Variants in MTMR3 observed in about 807,000 individuals in gnomAD.
MTMR3 encodes myotubularin related protein 3, also known as phosphatidylinositol-3,5-bisphosphate 3-phosphatase MTMR3.
A neutral mutation model predicts 132.4 loss-of-function variants in MTMR3; 32 were observed. The ratio of observed to expected loss-of-function variants is 0.24; its 90% CI spans 0.18 to 0.32. The LOEUF (loss-of-function observed/expected upper bound fraction) is 0.32. Among genes scored for constraint, MTMR3 ranks in the 10% least tolerant of loss-of-function variants. The pLI is 1.00. For synonymous variants in MTMR3, 556 were observed against 550.3 expected, an observed-to-expected ratio of 1.01 and a Z score of -0.14; for missense variants, 1,216 against 1,489.6, an observed-to-expected ratio of 0.82 and a Z score of 3.02.
At chr22:29,980,540 G>A (rs1352674153) in intron 5 of MTMR3, 1 of 152,236 alleles carries the variant, frequency 6.6e-6, no homozygotes, top group African/African-American at 2.4e-5. Context: ...AGCTACTGTG[G>A]AAGTAATGAT....
Position 29,978,945 on chromosome 22 carries a change from C to A in MTMR3, c.103C>A (p.Leu35Ile), listed in dbSNP as rs777619064. The change falls in exon 5 of 20, where the codon CTT becomes ATT. Residue 35 changes from leucine to isoleucine, a missense_variant. By Grantham distance (5) the Leu-to-Ile change is conservative. This residue lies in a region of MTMR3 where 81 missense variants were observed against 87.7 expected (regional missense o/e 0.92). Coordinates refer to ENST00000401950, the MANE Select transcript of MTMR3 (RefSeq NM_021090.4). ...TTCTTTCATTTCGAAGGTTCCTTTC[C>A]TTGAACTTCATGGAGAGAGCACAGA... Reference protein sequence around the residue: ...REDENLQVPFLELHGESTEFV... With the variant: ...REDENLQVPFIELHGESTEFV... 27 of 1,612,542 alleles carry A rather than the reference C, an allele frequency of 1.7e-5. No individual in the cohort carries two copies. The highest frequency in any genetic ancestry group is 2.3e-5 in the Non-Finnish European group (27 of 1,179,242).
chr22:29,976,708 A>C (rs577529478), intron 3 of MTMR3, among the ~76,000 whole-genome samples: 1 of 152,258 alleles, frequency 6.6e-6, no homozygotes, highest in Non-Finnish European at 1.5e-5. Context: ...TAATACCGTA[A>C]TATTATTGGG....
chr22:29,951,889 G>GTTTT (rs11331318), intron 1 of MTMR3, among the ~76,000 whole-genome samples: 35 of 131,380 alleles, frequency 2.7e-4, no homozygotes, highest in East Asian at 4.7e-4. Flanking sequence ...ACAAGTAAAG[G>GTTTT]TTTTTTTTTT....
chr22:30,001,821 C>T (rs2067181903), intron 8 of MTMR3: 2 of 152,114 alleles, frequency 1.3e-5, no homozygotes, highest in Admixed American at 1.3e-4. Context: ...TTAGTCATAG[C>T]CATTCTCTTT....
At position 30,027,036 on chromosome 22, in the gene MTMR3, C is replaced by G. The variant is rs1243833517; in HGVS notation, c.*1235C>G. ...CATGGCCTTGAGGAGATTCAGGGCA[C>G]CTTTCCTCAGTGAGCTTTGATATGG... On this transcript the variant is annotated 3_prime_UTR_variant, in exon 20 of 20. Transcript: ENST00000401950. The G allele has an allele frequency of 6.5e-6, 1 of 152,750 alleles. No homozygotes were observed. The highest frequency in any genetic ancestry group is 1.5e-5 in the Non-Finnish European group (1 of 68,080). 9.5% of individuals were successfully genotyped at this position (152,750 alleles called of 1,614,324 possible). A position where few individuals can be genotyped will look rare whatever the true frequency, so the allele number is the denominator to read the frequency against.
At chr22:30,007,839 A>G (rs2067306985) in intron 10 of MTMR3, 62 bp from the exon 11 acceptor site, 1 of 1,587,112 alleles carries the variant, frequency 6.3e-7, no homozygotes, top group African/African-American at 1.3e-5. Context: ...TGTGGGTCTA[A>G]TTCTGCACAG....
At chr22:29,982,390 T>C (rs2066766977) in intron 5 of MTMR3, 3 of 152,092 alleles carry the variant, frequency 2.0e-5, no homozygotes, top group Non-Finnish European at 2.9e-5. Flanking sequence ...GATCAGACAG[T>C]TGGTAGTGGT....
chr22:29,925,398 G>C (rs1251597018), intron 1 of MTMR3, among the ~76,000 whole-genome samples: 1 of 152,144 alleles, frequency 6.6e-6, no homozygotes, highest in Non-Finnish European at 1.5e-5. Flanking sequence ...TGGACTGGTA[G>C]CTTGCAAACA....
intron 1 of MTMR3, among the ~76,000 whole-genome samples, chr22:29,914,840 A>C (rs1054101323): frequency 6.6e-6 from 1 of 152,212 alleles, no homozygotes; most frequent in Admixed American, 6.5e-5. Context: ...CTTCAGTTGC[A>C]GCTCACAAAA....
chr22:29,971,452 ATTTAC>A (rs368305247), intron 3 of MTMR3, among the ~76,000 whole-genome samples: 390 of 152,228 alleles, frequency 2.6e-3, no homozygotes, highest in African/African-American at 9.0e-3. Flanking sequence ...TAATCTGCAT[ATTTAC>A]TTAAAAATTT....
intron 7 of MTMR3, chr22:29,995,514 A>G (rs2067044254): frequency 6.6e-6 from 1 of 152,204 alleles, no homozygotes; most frequent in South Asian, 2.1e-4. Context: ...GGAGTTAGGG[A>G]ACTTCATTGC....
intron 1 of MTMR3, among the ~76,000 whole-genome samples, chr22:29,950,188 C>T (rs1277070937): frequency 6.6e-6 from 1 of 152,116 alleles, no homozygotes; most frequent in Non-Finnish European, 1.5e-5. Context: ...GTACCTCTGG[C>T]ACTTAGATAA....
intron 1 of MTMR3, among the ~76,000 whole-genome samples, chr22:29,932,737 A>G (rs1482281670): frequency 1.3e-5 from 2 of 152,192 alleles, no homozygotes; most frequent in African/African-American, 4.8e-5. Context: ...TATCCCTGTC[A>G]TAGTTCAGAT....
intron 2 of MTMR3, among the ~76,000 whole-genome samples, 172 bp downstream of exon 2, chr22:29,957,260 A>ATTTTTT (rs148686689): frequency 6.9e-6 from 1 of 144,634 alleles, no homozygotes; most frequent in Non-Finnish European, 1.5e-5. Context: ...CTTACATGTG[A>ATTTTTT]TTATTTTTTT....
chr22:29,962,270 T>C (rs1057200438), intron 2 of MTMR3, among the ~76,000 whole-genome samples: 4 of 152,212 alleles, frequency 2.6e-5, no homozygotes, highest in African/African-American at 7.2e-5. Context: ...AAAATTCACA[T>C]ACTATACAAT....
rs1387027544 is a variant in MTMR3, at chr22:30,016,650, A to C, written c.1626A>C (p.Ala542=). The C allele has an allele frequency of 6.2e-7, 1 of 1,614,102 alleles. No homozygotes were observed. The highest frequency in any genetic ancestry group is 1.3e-5 in the African/African-American group (1 of 74,944). Residue 542 remains alanine (A), a synonymous_variant, in exon 15 of 20, where the codon GCA becomes GCC. Coordinates refer to ENST00000401950, the MANE Select transcript of MTMR3 (RefSeq NM_021090.4). The part of the protein sequence containing the change: ...RTCSVWSLLR[A]GNKAFKNLLY... ...GTTCCGTGTGGTCACTTCTTCGGGC[A>C]GGCAACAAGGCTTTCAAAAACCTAC...
At chr22:29,966,945 A>T (rs964378151) in intron 2 of MTMR3, among the ~76,000 whole-genome samples, 1 of 151,952 alleles carries the variant, frequency 6.6e-6, no homozygotes, top group Non-Finnish European at 1.5e-5. Flanking sequence ...GTAGTCTTTT[A>T]TATGTTTCTT....
chr22:29,912,341 G>A (rs2065229982), intron 1 of MTMR3, among the ~76,000 whole-genome samples: 1 of 152,186 alleles, frequency 6.6e-6, no homozygotes, highest in Non-Finnish European at 1.5e-5. Context: ...CCAGGCTGGA[G>A]TGCAGTGGCA....
rs185639265 is a variant in MTMR3, at chr22:29,928,211, C to T, written c.-137-28825C>T. 6.7e-3 allele frequency among the ~76,000 whole-genome samples: 980 copies of T among 147,054 alleles called. 4 individuals carry two copies. The highest frequency in any genetic ancestry group is 0.011 in the Non-Finnish European group (720 of 67,058). On this transcript the variant is annotated intron_variant, in intron 1 of 19. Transcript: ENST00000401950. ...TTTTTAGACAAAGTCTTGCTCTTGT[C>T]CCCCAGGCTGGAGTACGATGGCATG...
Sources: gnomAD v4.1 joint callset for allele counts (sites outside exome capture counted in the v4.1 genomes callset) on GRCh38, gnomAD v4.1.1 for gene constraint, gnomAD v4.1.1 regional missense constraint, MANE v1.5 for transcripts, NCBI Gene and HGNC (gene_info 2026-07-23, HGNC 2026-07-21) for gene names.